Variants in PIEZO2 observed in about 807,000 individuals in gnomAD.
The protein encoded by PIEZO2 is piezo-type mechanosensitive ion channel component 2.
PIEZO2 carries 172 observed loss-of-function variants against 337.3 expected under a neutral mutation model. The observed-to-expected ratio is 0.51, with a 90% CI of 0.45 to 0.58. The LOEUF (loss-of-function observed/expected upper bound fraction) is 0.58, where lower values mean the gene tolerates loss of function less well. Among genes scored for constraint, PIEZO2 ranks in the 20% least tolerant of loss-of-function variants. The pLI is 0.00. For missense variants in PIEZO2, 3,028 were observed against 3,391.3 expected (o/e 0.89, Z 2.66); for synonymous variants, 1,251 against 1,228.5 (o/e 1.02, Z -0.38).
rs2032792117 is a variant in PIEZO2 at position 10,942,702 on chromosome 18, G to T, written c.287-31474C>A. Among the ~76,000 whole-genome samples the T allele has an allele frequency of 6.6e-6, 1 of 152,208 alleles. No homozygotes were observed. Among genetic ancestry groups the T allele is most frequent in the African/African-American group, 2.4e-5 (1 of 41,452 alleles). On this transcript the variant is annotated intron_variant, in intron 3 of 55. Transcript: ENST00000674853. The surrounding 1 kb of genome is among the most constrained non-coding windows in gnomAD (Gnocchi z 4.4). ...TGTGGAGAAAATCAAGCCACCTGCA[G>T]AAATTTGCATAAGTAATGAAGAGCC... is the stretch of plus-strand genomic sequence containing the variant.
chr18:11,103,042 G>T (rs1474078158), intron 1 of PIEZO2, among the ~76,000 whole-genome samples: 1 of 152,138 alleles, frequency 6.6e-6, no homozygotes, highest in Non-Finnish European at 1.5e-5. Flanking sequence ...TCACTAGGAA[G>T]AAATATTTGT....
intron 3 of PIEZO2, among the ~76,000 whole-genome samples, chr18:10,978,626 C>G (rs539511227): frequency 1.3e-5 from 2 of 152,240 alleles, no homozygotes; most frequent in Admixed American, 1.3e-4. Flanking sequence ...TAAATTAATA[C>G]TGTTTGATCC....
intron 1 of PIEZO2, among the ~76,000 whole-genome samples, chr18:11,121,821 A>G (rs2040034449): frequency 6.6e-6 from 1 of 152,248 alleles, no homozygotes; most frequent in Non-Finnish European, 1.5e-5. Context: ...ATATAGGTGC[A>G]TTCAACCTCT....
At position 10,891,369 on chromosome 18, in the gene PIEZO2, G is replaced by GT. The variant is rs1448716182; in HGVS notation, c.329+19816dup. On this transcript the variant is annotated intron_variant, in intron 4 of 55. Transcript: ENST00000674853. ...TTGCTTCCTGCGGTCACAGTAAAAA[G>GT]TTTGACTACCATCATCAAACAAGTA... is the stretch of plus-strand genomic sequence containing the variant. 3.9e-5 allele frequency among the ~76,000 whole-genome samples: 6 copies of GT among 152,268 alleles called. No individual in the cohort carries two copies. The South Asian group carries it at 6.2e-4, about 16-fold the overall frequency.
At chr18:11,079,402 G>A (rs2038658086) in intron 1 of PIEZO2, among the ~76,000 whole-genome samples, 1 of 152,160 alleles carries the variant, frequency 6.6e-6, no homozygotes, top group African/African-American at 2.4e-5. Context: ...AACTTTTACT[G>A]GGGGACAAGT....
intron 2 of PIEZO2, among the ~76,000 whole-genome samples, chr18:11,000,859 A>G (rs763962333): frequency 6.6e-6 from 1 of 152,148 alleles, no homozygotes; most frequent in Non-Finnish European, 1.5e-5. Context: ...GTGGCAGCAG[A>G]GCCCTCAGCC....
intron 7 of PIEZO2, among the ~76,000 whole-genome samples, chr18:10,839,912 G>C (rs944798018): frequency 6.6e-6 from 1 of 152,126 alleles, no homozygotes; most frequent in Admixed American, 6.5e-5. Context: ...AGAAACAAGC[G>C]TATCTAGGAA....
chr18:11,054,475 T>A (rs908399384), intron 2 of PIEZO2, among the ~76,000 whole-genome samples: 2 of 152,220 alleles, frequency 1.3e-5, no homozygotes, highest in African/African-American at 4.8e-5. Flanking sequence ...AATTCATTCA[T>A]TCTACAAATA....
intron 29 of PIEZO2, among the ~76,000 whole-genome samples, chr18:10,749,083 T>A (rs968702050): frequency 9.9e-5 from 15 of 152,090 alleles, no homozygotes; most frequent in Non-Finnish European, 2.1e-4. Context: ...GTATGCCTTA[T>A]CTTAAGTGAA....
At chr18:10,720,234 G>GTGTATATATATATATATATATATATATA (rs1225106343) in intron 36 of PIEZO2, among the ~76,000 whole-genome samples, 1 of 119,918 alleles carries the variant, frequency 8.3e-6, no homozygotes, top group African/African-American at 3.3e-5. Context: ...GTGTGTGTGT[G>GTGTATATATATATATATATATATATATA]TATATATATA....
At position 10,846,425 on chromosome 18, in the gene PIEZO2, G is replaced by A. The variant is rs1199968204; in HGVS notation, c.917+8928C>T. Among the ~76,000 whole-genome samples, 1 of 152,180 alleles carries A rather than the reference G, an allele frequency of 6.6e-6. No individual in the cohort carries two copies. The highest frequency in any genetic ancestry group is 1.5e-5 in the Non-Finnish European group (1 of 68,036). On this transcript the variant is annotated intron_variant, in intron 7 of 55. Coordinates refer to ENST00000674853, the MANE Select transcript of PIEZO2 (RefSeq NM_001378183.1). This position sits in a 1 kb window ranked among gnomAD's most constrained non-coding sequence, Gnocchi z 4.1. The stretch of plus-strand genomic sequence containing the variant: ...GTCATAGCAAAACCTATCACTTAGA[G>A]TTCAAGAAAATCAAGTTTTACATTA...
intron 33 of PIEZO2, chr18:10,740,378 G>T (rs138376682): frequency 2.6e-5 from 4 of 152,340 alleles, no homozygotes; most frequent in African/African-American, 9.7e-5. Flanking sequence ...GCATCAGGTG[G>T]CTTGAAGGCT....
Position 11,028,843 on chromosome 18 carries a change from A to T in PIEZO2, c.160+37284T>A, listed in dbSNP as rs1306522172. Among the ~76,000 whole-genome samples the T allele has an allele frequency of 6.6e-6, 1 of 152,040 alleles. No homozygotes were observed. The highest frequency in any genetic ancestry group is 1.5e-5 in the Non-Finnish European group (1 of 68,018). On this transcript the variant is annotated intron_variant, in intron 2 of 55. Coordinates refer to ENST00000674853, the MANE Select transcript of PIEZO2 (RefSeq NM_001378183.1). This position sits in a 1 kb window ranked among gnomAD's most constrained non-coding sequence, Gnocchi z 4.8. ...TACTCTATATAATACCTATTGACTC[A>T]CTTCTTCAGCAAATATTCATCAATT... is the stretch of plus-strand genomic sequence containing the variant.
chr18:11,088,108 G>C lies in PIEZO2; in HGVS notation c.65-21886C>G, dbSNP rs192963310. On this transcript the variant is annotated intron_variant, in intron 1 of 55. Transcript: ENST00000674853. ...ACCTCAATGTATACTTGGGACACTT[G>C]AACTATTTGGTTACAAGTCTTTTCC... 2.6e-5 allele frequency among the ~76,000 whole-genome samples: 4 copies of C among 152,308 alleles called. No homozygotes were observed. In the East Asian group the frequency reaches 7.7e-4, roughly 29 times the overall value.
At chr18:10,792,871 G>T (rs2039451345) in intron 13 of PIEZO2, among the ~76,000 whole-genome samples, 1 of 152,212 alleles carries the variant, frequency 6.6e-6, no homozygotes, top group African/African-American at 2.4e-5. Flanking sequence ...CAAAGTTGCT[G>T]CACCATTTTA....
At chr18:10,793,630 G>C (rs532180036) in intron 13 of PIEZO2, among the ~76,000 whole-genome samples, 28 of 152,306 alleles carry the variant, frequency 1.8e-4, no homozygotes, top group Admixed American at 1.7e-3. Context: ...CCAATTGTGT[G>C]TGAATATGTG....
chr18:10,807,385 C>G (rs1269711000), intron 7 of PIEZO2, 111 bp from the exon 8 acceptor site: 1 of 956,954 alleles, frequency 1.0e-6, no homozygotes, highest in Non-Finnish European at 1.5e-6. Flanking sequence ...CTAGGTTGAT[C>G]CGTTCTATTG....
intron 4 of PIEZO2, chr18:10,893,525 C>G (rs2042812737): frequency 6.6e-6 from 1 of 152,182 alleles, no homozygotes; most frequent in Non-Finnish European, 1.5e-5. Context: ...GGTCTCTCTG[C>G]ATGGGTTCCT....
intron 27 of PIEZO2, among the ~76,000 whole-genome samples, chr18:10,757,078 T>C (rs2037897634): frequency 7.7e-6 from 1 of 130,676 alleles, no homozygotes; most frequent in Admixed American, 7.5e-5. Context: ...GGATGAAAGA[T>C]GAGGAGGAGG....
Sources: allele counts gnomAD v4.1 joint callset (sites outside exome capture counted in the v4.1 genomes callset), GRCh38; gene constraint gnomAD v4.1.1; non-coding constraint Gnocchi (gnomAD v3.1); transcripts MANE v1.5; gene names NCBI Gene and HGNC (gene_info 2026-07-23, HGNC 2026-07-21).